Variants in PAX4 observed in about 807,000 individuals in gnomAD.
PAX4 encodes paired box 4, also known as paired box protein Pax-4.
PAX4 carries 33 observed loss-of-function variants against 40.6 expected under a neutral mutation model. That is an observed-to-expected ratio of 0.81 (90% CI 0.62 to 1.09). The LOEUF is 1.09. PAX4 is among the 50% of genes least tolerant of loss of function. PAX4 has a pLI of 0.00. For missense variants in PAX4, 459 were observed against 442.5 expected (o/e 1.04, Z -0.33); for synonymous variants, 174 against 170.6 (o/e 1.02, Z -0.16).
Position 127,615,420 on chromosome 7 carries a change from T to A in PAX4, c.125A>T (p.Asp42Val), listed in dbSNP as rs755590582. ...RLAVSGMRPC[D>V]ISRILKVSNG... Reference sequence around the variant, plus strand: ...CATTACCTTAAGGATCCGTGAGATGTCACAGGGCCGCATTCCACTGACTGC... The same window carrying A: ...CATTACCTTAAGGATCCGTGAGATGACACAGGGCCGCATTCCACTGACTGC... Residue 42 changes from aspartate to valine, a missense_variant, in exon 4 of 12, where the codon GAC (aspartate) becomes GTC (valine). Asp to Val is a radical substitution (Grantham distance 152). Transcript: ENST00000639438. 1 of 1,614,206 alleles carries A rather than the reference T, an allele frequency of 6.2e-7. No homozygotes were observed. Among genetic ancestry groups the A allele is most frequent in the East Asian group, 2.2e-5 (1 of 44,882 alleles).
Position 127,611,123 on chromosome 7 carries a change from G to T in PAX4, c.997C>A (p.Leu333Ile). ...CPSSHCHLAS[L>I]SGSQALLWPG... ...CAGAGCAGGGCCTGAGAGCCACTAA[G>T]ACTGGCCAGGTGACAGTGGGAGGAA... The change falls in exon 12 of 12, where the codon CTT becomes ATT. Residue 333 changes from leucine (L) to isoleucine (I), a missense_variant. Transcript: ENST00000639438. 2 of 1,607,720 alleles carry T rather than the reference G, an allele frequency of 1.2e-6. No individual in the cohort carries two copies.
Position 127,615,908 on chromosome 7 carries a change from C to T in PAX4, c.13+8G>A. ...TCCCTGTCTTCCCACTTCCCCCAGG[C>T]TCCTCACCGTCCTGATGCATGCTCC... On this transcript the variant is annotated splice_region_variant and intron_variant, in intron 3 of 11. Transcript: ENST00000639438. 2.6e-6 allele frequency: 4 copies of T among 1,536,136 alleles called. No homozygotes were observed. The South Asian group carries it at 4.8e-5, about 18-fold the overall frequency.
rs1794737162 is a variant in PAX4, at chr7:127,617,376, G to T, written c.-201C>A. The T allele has an allele frequency of 6.6e-6, 1 of 152,210 alleles. No individual in the cohort carries two copies. The highest frequency in any genetic ancestry group is 1.5e-5 in the Non-Finnish European group (1 of 68,028). The allele number at this position is 152,210 out of a possible 1,614,324, so 9.4% of individuals were successfully genotyped here. ...TTTCCAAAGAGAAAACTGAGGCACA[G>T]ATTGGCATTGCCACAAGTCAGGGGC... On this transcript the variant is annotated 5_prime_UTR_variant, in exon 2 of 12. In the 5' UTR this introduces an upstream ATG that the reference lacks. Coordinates refer to ENST00000639438, the MANE Select transcript of PAX4 (RefSeq NM_001366110.1).
At chr7:127,615,556 C>T in intron 3 of PAX4, 25 bp from the exon 4 acceptor site, 2 of 1,613,128 alleles carry the variant, frequency 1.2e-6, no homozygotes, top group South Asian at 2.2e-5. Context: ...GAGGTATCCA[C>T]ACACCACCTC....
Position 127,611,651 on chromosome 7 carries a change from G to A in PAX4, c.797C>T (p.Ala266Val), listed in dbSNP as rs1347511047. The A allele has an allele frequency of 6.2e-7, 1 of 1,613,070 alleles. No homozygotes were observed. The highest frequency in any genetic ancestry group is 1.1e-5 in the South Asian group (1 of 91,074). The change falls in exon 11 of 12, where the codon GCA becomes GTA. Residue 266 changes from alanine (A) to valine (V), a missense_variant. Transcript: ENST00000639438. ...AQQSPGSVPT[A>V]ALPALEPLGP... is the part of the protein sequence containing the mutation. ...CAGTGGTTCCAGGGCAGGCAGGGCTGCTGTGGGCACACTGCCAGGGGACTG... is the reference window on the plus strand; with the variant it reads ...CAGTGGTTCCAGGGCAGGCAGGGCTACTGTGGGCACACTGCCAGGGGACTG...
chr7:127,614,810 A>G lies in PAX4; in HGVS notation c.360+70T>C, dbSNP rs1039145858. Reference sequence around the variant, plus strand: ...GCTTGGGATGCCCACATTGCCAAATAAGAAAGGTTCTTTGTCTCCCCCAGA... The same window carrying G: ...GCTTGGGATGCCCACATTGCCAAATGAGAAAGGTTCTTTGTCTCCCCCAGA... On this transcript the variant is annotated intron_variant, in intron 5 of 11. Coordinates refer to ENST00000639438, the MANE Select transcript of PAX4 (RefSeq NM_001366110.1). 5.8e-6 allele frequency: 9 copies of G among 1,560,010 alleles called. No individual in the cohort carries two copies. In the East Asian group the frequency reaches 1.7e-4, roughly 29 times the overall value.
At chr7:127,616,623 G>A (rs1383026330) in intron 2 of PAX4, among the ~76,000 whole-genome samples, 6 of 152,286 alleles carry the variant, frequency 3.9e-5, no homozygotes, top group African/African-American at 4.8e-5. Flanking sequence ...AGATGAACAC[G>A]CCTGAAGAGC....
Position 127,613,012 on chromosome 7 carries a change from G to A in PAX4, c.715+10C>T, listed in dbSNP as rs1329429199. ...GAGCGGGCAGATGGATGATGGTGCA[G>A]AGAAATCACCTGGCAGCTGCATTTC... is the stretch of plus-strand genomic sequence containing the variant. On this transcript the variant is annotated intron_variant, in intron 9 of 11. Coordinates refer to ENST00000639438, the MANE Select transcript of PAX4 (RefSeq NM_001366110.1). 6.2e-7 allele frequency: 1 copy of A among 1,609,740 alleles called. No individual in the cohort carries two copies. The highest frequency in any genetic ancestry group is 8.5e-7 in the Non-Finnish European group (1 of 1,177,390).
intron 4 of PAX4, 94 bp downstream of exon 4, chr7:127,615,307 C>T: frequency 1.2e-6 from 2 of 1,611,114 alleles, no homozygotes; most frequent in Non-Finnish European, 1.7e-6. Context: ...CAGAAGCCCT[C>T]AGAGCCTGCA....
At chr7:127,612,470 GAT>G (rs1794645712) in intron 9 of PAX4, among the ~76,000 whole-genome samples, 1 of 28,736 alleles carries the variant, frequency 3.5e-5, no homozygotes, top group Non-Finnish European at 9.4e-5. Context: ...TGAATGGGTG[GAT>G]GGATGGATGG....
rs528895674 is a variant in PAX4 at position 127,613,891 on chromosome 7, A to C, written c.437-10T>G. 1.9e-6 allele frequency: 3 copies of C among 1,613,904 alleles called. No homozygotes were observed. The highest frequency in any genetic ancestry group is 2.5e-6 in the Non-Finnish European group (3 of 1,179,994). On this transcript the variant is annotated splice_polypyrimidine_tract_variant and intron_variant, in intron 6 of 11. Coordinates refer to ENST00000639438, the MANE Select transcript of PAX4 (RefSeq NM_001366110.1). ...GCTGGAGCCAAAACAGCTGAAAAGG[A>C]AGATAACAGTTTGTGGTGGTTTGTG...
At chr7:127,612,891 T>A (rs563562817) in intron 9 of PAX4, 131 bp downstream of exon 9, 4 of 720,510 alleles carry the variant, frequency 5.6e-6, no homozygotes, top group South Asian at 1.5e-5. Flanking sequence ...GATGAATGGA[T>A]GGATGGATAC....
At position 127,611,677 on chromosome 7, in the gene PAX4, C is replaced by T. The variant is rs371715169; in HGVS notation, c.772-1G>A. The T allele has an allele frequency of 4.4e-6, 7 of 1,605,750 alleles. No homozygotes were observed. Among genetic ancestry groups the T allele is most frequent in the East Asian group, 4.5e-5 (2 of 44,854 alleles). ...CTGTGGGCACACTGCCAGGGGACTGCTAAAAAAAAAAAGCAAGAGAAGAAC... is the reference window on the plus strand; with the variant it reads ...CTGTGGGCACACTGCCAGGGGACTGTTAAAAAAAAAAAGCAAGAGAAGAAC... On this transcript the variant is annotated splice_acceptor_variant, in intron 10 of 11. Coordinates refer to ENST00000639438, the MANE Select transcript of PAX4 (RefSeq NM_001366110.1). LOFTEE classifies it high-confidence loss of function.
At chr7:127,613,229 T>G (rs1794665359) in intron 8 of PAX4, 138 bp from the exon 9 acceptor site, 1 of 873,836 alleles carries the variant, frequency 1.1e-6, no homozygotes. Context: ...TGCTCTAGCT[T>G]TTGCTCTCTG....
At chr7:127,613,959 G>A in intron 6 of PAX4, 78 bp from the exon 7 acceptor site, 1 of 1,553,464 alleles carries the variant, frequency 6.4e-7, no homozygotes, top group African/African-American at 1.4e-5. Flanking sequence ...AGTCTCTGGG[G>A]CTGCAGCCGG....
chr7:127,610,938 C>T lies in PAX4; in HGVS notation c.*126G>A, dbSNP rs774007847. 42 of 1,549,354 alleles carry T rather than the reference C, an allele frequency of 2.7e-5. No homozygotes were observed. The highest frequency in any genetic ancestry group is 9.6e-5 in the African/African-American group (7 of 73,044). On this transcript the variant is annotated 3_prime_UTR_variant, in exon 12 of 12. Transcript: ENST00000639438. ...GAGGCATCGAGGCAGGGCCAGGCAACGTCCACACAGGAGGGAGCAATCACA... is the reference window on the plus strand; with the variant it reads ...GAGGCATCGAGGCAGGGCCAGGCAATGTCCACACAGGAGGGAGCAATCACA...
chr7:127,614,657 C>G (rs936451371), intron 5 of PAX4, 100 bp from the exon 6 acceptor site: 1 of 1,178,898 alleles, frequency 8.5e-7, no homozygotes, highest in Non-Finnish European at 1.2e-6. Context: ...CTGTCTCCAC[C>G]TACACATTGT....
intron 2 of PAX4, 47 bp from the exon 3 acceptor site, chr7:127,616,074 G>T: frequency 1.1e-6 from 1 of 908,136 alleles, no homozygotes; most frequent in Non-Finnish European, 1.6e-6. Context: ...GCTTGAAATG[G>T]TCCTGGGAGG....
At chr7:127,611,300 C>A in intron 11 of PAX4, 94 bp from the exon 12 acceptor site, 1 of 1,322,762 alleles carries the variant, frequency 7.6e-7, no homozygotes, top group South Asian at 1.2e-5. Flanking sequence ...AGTTTCCCAC[C>A]CTGCATATAC....
Sources: allele counts gnomAD v4.1 joint callset (sites outside exome capture counted in the v4.1 genomes callset), GRCh38; gene constraint gnomAD v4.1.1; transcripts MANE v1.5; gene names NCBI Gene and HGNC (gene_info 2026-07-23, HGNC 2026-07-21).